Variants in IRAG1 observed in about 807,000 individuals in gnomAD.
IRAG1 encodes inositol 1,4,5-triphosphate receptor associated 1, also known as IP3R-associated cGMP kinase substrate.
A neutral mutation model predicts 106.2 loss-of-function variants in IRAG1; 62 were observed. That is an observed-to-expected ratio of 0.58 (90% CI 0.48 to 0.72). The LOEUF (loss-of-function observed/expected upper bound fraction) is 0.72. Among genes scored for constraint, IRAG1 ranks in the 30% least tolerant of loss-of-function variants. IRAG1 has a pLI of 0.00. For missense variants in IRAG1, 1,064 were observed against 1,140.7 expected (o/e 0.93, Z 0.97); for synonymous variants, 462 against 443.9 (o/e 1.04, Z -0.51).
chr11:10,660,008 C>T (rs1439557477), intron 1 of IRAG1, among the ~76,000 whole-genome samples: 1 of 152,186 alleles, frequency 6.6e-6, no homozygotes, highest in Non-Finnish European at 1.5e-5. Flanking sequence ...TCCAGGAAGA[C>T]ATGGAGGATC....
intron 10 of IRAG1, among the ~76,000 whole-genome samples, chr11:10,613,700 A>G (rs546556101): frequency 6.6e-6 from 1 of 152,178 alleles, no homozygotes; most frequent in South Asian, 2.1e-4. Flanking sequence ...AGAGGTAGAA[A>G]TGGAAATGTA....
At chr11:10,660,165 C>T (rs1859281593) in intron 1 of IRAG1, among the ~76,000 whole-genome samples, 1 of 152,172 alleles carries the variant, frequency 6.6e-6, no homozygotes, top group Non-Finnish European at 1.5e-5. Flanking sequence ...CAGGAGCCTG[C>T]TTGTTCCAGC....
intron 2 of IRAG1, among the ~76,000 whole-genome samples, chr11:10,634,753 T>TTGTGTGTG (rs57266330): frequency 0.11 from 15,289 of 144,746 alleles, 1,019 homozygotes; most frequent in African/African-American, 0.16. Context: ...AATAATATTC[T>TTGTGTGTG]TGTGTGTGTG....
chr11:10,635,060 T>C (rs917586590), intron 2 of IRAG1, among the ~76,000 whole-genome samples: 1 of 152,108 alleles, frequency 6.6e-6, no homozygotes, highest in Non-Finnish European at 1.5e-5. Context: ...AAAAGAATGG[T>C]ACAGAGTCCT....
At position 10,665,705 on chromosome 11, in the gene IRAG1, G is replaced by A. The variant is rs1859736643; in HGVS notation, c.68-13523C>T. On this transcript the variant is annotated intron_variant, in intron 1 of 20. Transcript: ENST00000423302. This position sits in a 1 kb window ranked among gnomAD's most constrained non-coding sequence, Gnocchi z 4.2. ...GTGGAGACTCCCATGTGCAGGACAG[G>A]AAGGAAGCTCACACCTTGCCGACTG... Among the ~76,000 whole-genome samples the A allele has an allele frequency of 6.6e-6, 1 of 152,190 alleles. No homozygotes were observed. Among genetic ancestry groups the A allele is most frequent in the South Asian group, 2.1e-4 (1 of 4,830 alleles).
intron 18 of IRAG1, among the ~76,000 whole-genome samples, chr11:10,583,216 C>T (rs1164670129): frequency 3.3e-5 from 5 of 151,962 alleles, no homozygotes; most frequent in South Asian, 4.2e-4. Flanking sequence ...TTTAAAGCCA[C>T]GGGGATAGAC....
intron 1 of IRAG1, among the ~76,000 whole-genome samples, chr11:10,693,311 G>T (rs1034302693): frequency 6.6e-6 from 1 of 152,158 alleles, no homozygotes; most frequent in Non-Finnish European, 1.5e-5. Flanking sequence ...AGCAAAAGGA[G>T]CACAATCTAG....
At chr11:10,627,188 C>T (rs1274628810) in intron 8 of IRAG1, among the ~76,000 whole-genome samples, 2 of 152,134 alleles carry the variant, frequency 1.3e-5, no homozygotes, top group East Asian at 3.9e-4. Context: ...TGTGTGGCTG[C>T]CTCGTGTGTG....
At chr11:10,639,687 T>G (rs1269863058) in intron 2 of IRAG1, among the ~76,000 whole-genome samples, 1 of 152,152 alleles carries the variant, frequency 6.6e-6, no homozygotes, top group Non-Finnish European at 1.5e-5. Context: ...GTCTACCTTC[T>G]TTCTCTTTTT....
intron 10 of IRAG1, among the ~76,000 whole-genome samples, chr11:10,618,140 C>T (rs367588714): frequency 3.9e-5 from 6 of 152,268 alleles, no homozygotes; most frequent in African/African-American, 1.4e-4. Flanking sequence ...CATGACATTC[C>T]TTCTGTTCCT....
At chr11:10,681,596 T>C (rs1211589167) in intron 1 of IRAG1, among the ~76,000 whole-genome samples, 2 of 152,158 alleles carry the variant, frequency 1.3e-5, no homozygotes, top group African/African-American at 2.4e-5. Flanking sequence ...CTGGGCCCTG[T>C]AGGGTGAATG....
At chr11:10,662,659 C>T (rs773259855) in intron 1 of IRAG1, among the ~76,000 whole-genome samples, 7 of 152,336 alleles carry the variant, frequency 4.6e-5, no homozygotes, top group South Asian at 2.1e-4. Flanking sequence ...TGTTCAAATG[C>T]GGCAGCACCC....
At chr11:10,633,488 A>G (rs957450881) in intron 3 of IRAG1, among the ~76,000 whole-genome samples, 1 of 152,204 alleles carries the variant, frequency 6.6e-6, no homozygotes, top group African/African-American at 2.4e-5. Context: ...CTGTGAGCCC[A>G]TGTCCCTGCC....
Position 10,628,292 on chromosome 11 carries a change from G to A in IRAG1, c.653-267C>T, listed in dbSNP as rs756394379. ...ATTTGGGCCCAGGCTGCCTGGCCCC[G>A]ACCTGAGCGTGCCCTGCCGCACTGA... On this transcript the variant is annotated intron_variant, in intron 6 of 20. Coordinates refer to ENST00000423302, the MANE Select transcript of IRAG1 (RefSeq NM_130385.4). The surrounding 1 kb of genome is among the most constrained non-coding windows in gnomAD (Gnocchi z 4.1). Among the ~76,000 whole-genome samples, 1 of 152,134 alleles carries A rather than the reference G, an allele frequency of 6.6e-6. No individual in the cohort carries two copies. Among genetic ancestry groups the A allele is most frequent in the African/African-American group, 2.4e-5 (1 of 41,428 alleles).
At chr11:10,652,453 A>G (rs764234190) in intron 1 of IRAG1, 10 of 790,434 alleles carry the variant, frequency 1.3e-5, no homozygotes, top group Non-Finnish European at 1.9e-5. Flanking sequence ...TGTGCTTCGA[A>G]CTCCTCAAAG....
chr11:10,581,966 G>A lies in IRAG1; in HGVS notation c.2261C>T (p.Pro754Leu). ...LLENGKTNGD[P>L]DCEASAPALT... ...CGCAGGAGCAGAGGCTTCACAATCT[G>A]GGTCCCCATTTGTCTTTCCACTAGT... is the stretch of plus-strand genomic sequence containing the variant. The change falls in exon 19 of 21, where the codon CCA becomes CTA. Residue 754 changes from proline to leucine, a missense_variant. Coordinates refer to ENST00000423302, the MANE Select transcript of IRAG1 (RefSeq NM_130385.4). The A allele has an allele frequency of 1.2e-6, 2 of 1,613,574 alleles. No homozygotes were observed. Among genetic ancestry groups the A allele is most frequent in the Non-Finnish European group, 1.7e-6 (2 of 1,179,634 alleles).
intron 10 of IRAG1, chr11:10,611,548 C>T (rs1181822216): frequency 6.6e-6 from 1 of 152,166 alleles, no homozygotes; most frequent in Non-Finnish European, 1.5e-5. Flanking sequence ...GAACCAACCA[C>T]CTTCCTCCTG....
intron 1 of IRAG1, among the ~76,000 whole-genome samples, chr11:10,677,307 C>T (rs16908159): frequency 0.4 from 60,857 of 152,108 alleles, 12,515 homozygotes; most frequent in African/African-American, 0.47. Context: ...TCAATGTCTC[C>T]TTCTCCTGAA....
intron 19 of IRAG1, 143 bp downstream of exon 19, chr11:10,581,724 T>C (rs1456754094): frequency 2.0e-6 from 2 of 1,000,808 alleles, no homozygotes; most frequent in East Asian, 2.7e-5. Flanking sequence ...TCTTGCTCTT[T>C]CCTATGTAGT....
Sources: allele counts gnomAD v4.1 joint callset (sites outside exome capture counted in the v4.1 genomes callset), GRCh38; gene constraint gnomAD v4.1.1; non-coding constraint Gnocchi (gnomAD v3.1); transcripts MANE v1.5; gene names NCBI Gene and HGNC (gene_info 2026-07-23, HGNC 2026-07-21).